EBF1: variants seen among roughly 807,000 people sequenced by gnomAD.
EBF1 encodes the protein transcription factor COE1.
EBF1 carries 10 observed loss-of-function variants against 68.4 expected under a neutral mutation model. The observed-to-expected ratio is 0.15, with a 90% CI of 0.09 to 0.25. The LOEUF is 0.25. Ranked by LOEUF, EBF1 falls within the 10% of genes least tolerant of loss-of-function variation. EBF1 has a pLI of 1.00. For synonymous variants in EBF1, 298 were observed against 299.8 expected (o/e 0.99, Z 0.06); for missense variants, 509 against 794.4 (o/e 0.64, Z 4.32).
At position 158,963,295 on chromosome 5, in the gene EBF1, C is replaced by A. The variant is rs555126396; in HGVS notation, c.554+110101G>T. On this transcript the variant is annotated intron_variant, in intron 6 of 15. Coordinates refer to ENST00000313708, the MANE Select transcript of EBF1 (RefSeq NM_024007.5). The stretch of plus-strand genomic sequence containing the variant: ...GTTCAGAGGTTTACCACAAAAAAAA[C>A]AAACATTTTCCAACAGATTTGCAAT... 2.0e-5 allele frequency among the ~76,000 whole-genome samples: 3 copies of A among 152,256 alleles called. No homozygotes were observed. In the East Asian group the frequency reaches 5.8e-4, roughly 29 times the overall value.
intron 6 of EBF1, among the ~76,000 whole-genome samples, chr5:158,844,164 A>C (rs540944088): frequency 1.8e-3 from 267 of 150,244 alleles, no homozygotes; most frequent in Non-Finnish European, 3.2e-3. Flanking sequence ...CCTGACCAGG[A>C]TCAAACTCCT....
At chr5:159,087,463 C>T (rs1474298274) in intron 4 of EBF1, among the ~76,000 whole-genome samples, 5 of 149,282 alleles carry the variant, frequency 3.3e-5, no homozygotes, top group Admixed American at 1.3e-4. Flanking sequence ...CACACACACA[C>T]ATATATACAC....
chr5:158,736,298 T>C (rs933673145), intron 10 of EBF1, among the ~76,000 whole-genome samples: 1 of 152,190 alleles, frequency 6.6e-6, no homozygotes, highest in African/African-American at 2.4e-5. Context: ...CTGGAAACGA[T>C]GGAAATGAGA....
intron 6 of EBF1, among the ~76,000 whole-genome samples, chr5:158,922,724 G>A (rs1483400094): frequency 6.6e-6 from 1 of 152,206 alleles, no homozygotes; most frequent in East Asian, 1.9e-4. Context: ...TGGGATATAT[G>A]TGTGTCTTAT....
intron 6 of EBF1, among the ~76,000 whole-genome samples, chr5:159,035,871 T>A (rs1255675013): frequency 6.6e-6 from 1 of 152,186 alleles, no homozygotes; most frequent in Non-Finnish European, 1.5e-5. Context: ...TCCCTTAAAA[T>A]CTCCTTTTGG....
chr5:158,821,010 C>T (rs1216106431), intron 8 of EBF1, among the ~76,000 whole-genome samples: 1 of 152,162 alleles, frequency 6.6e-6, no homozygotes, highest in African/African-American at 2.4e-5. Flanking sequence ...GAACATCTGG[C>T]CCCACTTGGG....
chr5:158,709,817 T>C (rs947584964), intron 14 of EBF1, among the ~76,000 whole-genome samples: 2 of 152,218 alleles, frequency 1.3e-5, no homozygotes, highest in Admixed American at 6.5e-5. Context: ...ATTGCAAAAC[T>C]CCTGCACTGG....
At chr5:159,049,436 C>T (rs1773091351) in intron 6 of EBF1, among the ~76,000 whole-genome samples, 1 of 152,118 alleles carries the variant, frequency 6.6e-6, no homozygotes, top group African/African-American at 2.4e-5. Context: ...GAAAAAAAAT[C>T]CACTCAAAAT....
chr5:158,792,486 G>A (rs1027742891), intron 9 of EBF1, among the ~76,000 whole-genome samples: 6 of 151,772 alleles, frequency 4.0e-5, no homozygotes, highest in African/African-American at 1.5e-4. Context: ...ATTTTCTCTG[G>A]CTCTTTAAAA....
chr5:158,834,740 C>T (rs1413295751), intron 7 of EBF1, among the ~76,000 whole-genome samples: 1 of 152,188 alleles, frequency 6.6e-6, no homozygotes, highest in African/African-American at 2.4e-5. Flanking sequence ...GATCAACAAC[C>T]TTTCTTATGT....
chr5:158,821,796 T>A (rs1337451062), intron 8 of EBF1, among the ~76,000 whole-genome samples: 1 of 152,224 alleles, frequency 6.6e-6, no homozygotes, highest in African/African-American at 2.4e-5. Context: ...AATGGCCTCC[T>A]GCAAAATGTA....
rs1244580265 is a variant in EBF1 at position 159,061,663 on chromosome 5, C to T, written c.554+11733G>A. ...GGCCCCCAGTGTCCGGCTCGGAAGC[C>T]GAAGAATCGAAACATGGCTCAAGAA... On this transcript the variant is annotated intron_variant, in intron 6 of 15. Coordinates refer to ENST00000313708, the MANE Select transcript of EBF1 (RefSeq NM_024007.5). Among the ~76,000 whole-genome samples the T allele has an allele frequency of 3.3e-5, 5 of 152,050 alleles. No individual in the cohort carries two copies. The South Asian group carries it at 1.0e-3, about 32-fold the overall frequency.
At chr5:158,701,377 A>G (rs1756737502) in intron 15 of EBF1, among the ~76,000 whole-genome samples, 1 of 144,334 alleles carries the variant, frequency 6.9e-6, no homozygotes, top group South Asian at 2.3e-4. Context: ...AAAAAAAAAA[A>G]TCTAAGCAGG....
At chr5:158,909,166 G>C (rs182279091) in intron 6 of EBF1, among the ~76,000 whole-genome samples, 8 of 152,066 alleles carry the variant, frequency 5.3e-5, no homozygotes, top group African/African-American at 1.7e-4. Flanking sequence ...GAACAGAAAT[G>C]TGAGATGTGA....
At chr5:158,931,738 G>T (rs1411869597) in intron 6 of EBF1, among the ~76,000 whole-genome samples, 1 of 152,122 alleles carries the variant, frequency 6.6e-6, no homozygotes, top group African/African-American at 2.4e-5. Context: ...TATCTAATGT[G>T]CATTAATGCC....
chr5:159,018,957 C>G (rs1766133459), intron 6 of EBF1: 1 of 152,224 alleles, frequency 6.6e-6, no homozygotes, highest in Non-Finnish European at 1.5e-5. Flanking sequence ...AGCATTCACT[C>G]ACCTCCTCCG....
intron 6 of EBF1, among the ~76,000 whole-genome samples, chr5:158,950,633 G>A (rs1028279867): frequency 5.3e-5 from 8 of 152,216 alleles, no homozygotes; most frequent in Non-Finnish European, 8.8e-5. Context: ...CTTCCTCAGT[G>A]GCCTGGGAGA....
At chr5:159,080,297 T>C (rs1779520477) in intron 5 of EBF1, among the ~76,000 whole-genome samples, 1 of 152,152 alleles carries the variant, frequency 6.6e-6, no homozygotes, top group Admixed American at 6.5e-5. Flanking sequence ...TGAATAGACA[T>C]AGCCCTTTGC....
chr5:158,706,437 C>T (rs1757904459), intron 15 of EBF1, among the ~76,000 whole-genome samples: 1 of 151,982 alleles, frequency 6.6e-6, no homozygotes, highest in Non-Finnish European at 1.5e-5. Flanking sequence ...AGCCATGTGA[C>T]CTGGATCAAA....
Sources: allele counts gnomAD v4.1 joint callset (sites outside exome capture counted in the v4.1 genomes callset), GRCh38; gene constraint gnomAD v4.1.1; transcripts MANE v1.5; gene names NCBI Gene and HGNC (gene_info 2026-07-23, HGNC 2026-07-21).